The following EFCAB13 variants were observed in gnomAD, a reference collection of about 807,000 sequenced individuals.
The protein encoded by EFCAB13 is EF-hand calcium binding domain 13, also known as EF-hand calcium-binding domain-containing protein 13.
In EFCAB13, 91 loss-of-function variants were observed where a neutral mutation model predicts 110.2. The observed-to-expected ratio is 0.83, with a 90% CI of 0.70 to 0.98. EFCAB13 has a LOEUF of 0.98. EFCAB13 is among the 50% of genes least tolerant of loss of function. The pLI is 0.00. For synonymous variants in EFCAB13, 323 were observed against 369.9 expected (o/e 0.87, Z 1.45); for missense variants, 968 against 1,119.4 (o/e 0.86, Z 1.93).
intron 24 of EFCAB13, among the ~76,000 whole-genome samples, chr17:47,438,347 A>G (rs1412166712): frequency 1.3e-5 from 2 of 152,178 alleles, no homozygotes; most frequent in African/African-American, 2.4e-5. Flanking sequence ...CTTGGATATC[A>G]AGGCCAGGGA....
In EFCAB13 at chr17:47,357,989, G is replaced by A. The variant is rs147641456; in HGVS notation, c.662-3389G>A. Among the ~76,000 whole-genome samples, 517 of 152,182 alleles carry A rather than the reference G, an allele frequency of 3.4e-3. 1 individual carries two copies. The highest frequency in any genetic ancestry group is 6.4e-3 in the Admixed American group (98 of 15,288). On this transcript the variant is annotated intron_variant, in intron 9 of 24. Transcript: ENST00000331493. ...CCTATTTTGACCTTATTTTCTGTTTGTGGACAGTGTTCTGAGACTAATCAA... is the reference window on the plus strand; with the variant it reads ...CCTATTTTGACCTTATTTTCTGTTTATGGACAGTGTTCTGAGACTAATCAA...
At chr17:47,421,891 G>A (rs1010016494) in intron 23 of EFCAB13, among the ~76,000 whole-genome samples, 1 of 152,140 alleles carries the variant, frequency 6.6e-6, no homozygotes, top group Non-Finnish European at 1.5e-5. Flanking sequence ...ATTTAAGAAG[G>A]ATATAGTATC....
chr17:47,427,118 G>A (rs1276751496), intron 23 of EFCAB13, among the ~76,000 whole-genome samples: 1 of 152,072 alleles, frequency 6.6e-6, no homozygotes, highest in Non-Finnish European at 1.5e-5. Context: ...AGTAGCTACT[G>A]ATTAAAAAGT....
In EFCAB13 at chr17:47,399,922, C is replaced by CA. The variant is rs550411040; in HGVS notation, c.1946-2205dup. 6.3e-4 allele frequency among the ~76,000 whole-genome samples: 96 copies of CA among 152,112 alleles called. 1 individual carries two copies. The East Asian group carries it at 0.015, about 24-fold the overall frequency. ...CTGAGTGAAGAAAGTTGGTGTTGAG[C>CA]AAAAATGTGTAAGAGGGTATGGAAA... On this transcript the variant is annotated intron_variant, in intron 17 of 24. Coordinates refer to ENST00000331493, the MANE Select transcript of EFCAB13 (RefSeq NM_152347.5).
At chr17:47,434,073 A>G (rs996144830) in intron 24 of EFCAB13, among the ~76,000 whole-genome samples, 1 of 152,112 alleles carries the variant, frequency 6.6e-6, no homozygotes, top group African/African-American at 2.4e-5. Context: ...CAGACAAGAG[A>G]AAAAAATAAA....
Position 47,344,198 on chromosome 17 carries a change from G to T in EFCAB13, c.340G>T (p.Val114Leu), listed in dbSNP as rs748861760. 5.0e-6 allele frequency: 8 copies of T among 1,613,132 alleles called. No homozygotes were observed. The highest frequency in any genetic ancestry group is 1.1e-5 in the South Asian group (1 of 91,020). Residue 114 changes from valine to leucine, a missense_variant, in exon 7 of 25, where the codon GTG (valine) becomes TTG (leucine). Transcript: ENST00000331493. ...PPFLKLSKEK[V>L]TRKENSLCKL... Reference sequence around the variant, plus strand: ...TTTTCTGAAGCTGTCAAAGGAGAAGGTGACAAGGAAAGAAAACTCTTTATG... The same window carrying T: ...TTTTCTGAAGCTGTCAAAGGAGAAGTTGACAAGGAAAGAAAACTCTTTATG...
In EFCAB13 at chr17:47,347,854, G is replaced by C. The variant is rs1343367252; in HGVS notation, c.564G>C (p.Lys188Asn). ...CKIFSKIRSG[K>N]IYVNDLPVIL... ...TTTTTAGTAAAATTCGAAGTGGTAA[G>C]ATTTATGTGAATGATCTTCCAGTGA... The change falls in exon 9 of 25, where the codon AAG becomes AAC. Residue 188 changes from lysine to asparagine, a missense_variant. Lys to Asn is a moderately conservative substitution (Grantham distance 94, BLOSUM62 0). Coordinates refer to ENST00000331493, the MANE Select transcript of EFCAB13 (RefSeq NM_152347.5). 3.2e-6 allele frequency: 5 copies of C among 1,546,936 alleles called. No individual in the cohort carries two copies. The African/African-American group carries it at 5.4e-5, about 17-fold the overall frequency.
intron 23 of EFCAB13, among the ~76,000 whole-genome samples, chr17:47,420,904 G>T (rs1162010528): frequency 6.9e-6 from 1 of 144,672 alleles, no homozygotes; most frequent in Admixed American, 6.7e-5. Context: ...CCGTCTGGGA[G>T]GTGAGGGGCG....
chr17:47,327,171 CTTTTG>C (rs986713141), intron 3 of EFCAB13, among the ~76,000 whole-genome samples: 32 of 140,206 alleles, frequency 2.3e-4, no homozygotes, highest in Middle Eastern at 3.7e-3. Flanking sequence ...GTTTTGTTTT[CTTTTG>C]TTTTGTTTTT....
rs150041083 is a variant in EFCAB13, at chr17:47,390,914, G to GTCTTATCTATCTGTCTATCTA, written c.1583-520_1583-519insTATCTATCTGTCTATCTATCT. Among the ~76,000 whole-genome samples, 352 of 150,256 alleles carry GTCTTATCTATCTGTCTATCTA rather than the reference G, an allele frequency of 2.3e-3. 8 individuals carry two copies. The East Asian group carries it at 0.027, about 12-fold the overall frequency. ...TATATATGTGTATGTGTGTCTGTCT[G>GTCTTATCTATCTGTCTATCTA]TCTATCTATCTATCTGTCTATCTAT... is the stretch of plus-strand genomic sequence containing the variant. On this transcript the variant is annotated intron_variant, in intron 14 of 24. Transcript: ENST00000331493.
chr17:47,385,558 G>C (rs1228449333), intron 14 of EFCAB13, among the ~76,000 whole-genome samples: 1 of 151,870 alleles, frequency 6.6e-6, no homozygotes, highest in Non-Finnish European at 1.5e-5. Context: ...CTTTTGTCAG[G>C]GTTCTTAGCT....
chr17:47,414,877 T>C lies in EFCAB13; in HGVS notation c.2452T>C (p.Leu818=), dbSNP rs1171805162. 3.7e-6 allele frequency: 6 copies of C among 1,608,008 alleles called. No individual in the cohort carries two copies. Among genetic ancestry groups the C allele is most frequent in the Admixed American group, 1.7e-5 (1 of 59,686 alleles). Residue 818 remains leucine (L), a synonymous_variant, in exon 23 of 25, where the codon TTA becomes CTA. Transcript: ENST00000331493. ...DNMEVDLKDF[L]MKMKESPHFQ... is the part of the protein sequence containing the mutation. ...TATGGAGGTGGATTTAAAAGATTTC[T>C]TAATGAAAATGAAAGAAAGTCCACA...
rs531077965 is a variant in EFCAB13 at position 47,348,097 on chromosome 17, T to C, written c.661+146T>C. On this transcript the variant is annotated intron_variant, in intron 9 of 24. Coordinates refer to ENST00000331493, the MANE Select transcript of EFCAB13 (RefSeq NM_152347.5). Reference sequence around the variant, plus strand: ...TCATATTGTATGTTACAAAACATTTTTACATGTTACAAGAACATTACTTAC... The same window carrying C: ...TCATATTGTATGTTACAAAACATTTCTACATGTTACAAGAACATTACTTAC... 3 of 615,320 alleles carry C rather than the reference T, an allele frequency of 4.9e-6. No individual in the cohort carries two copies. The East Asian group carries it at 1.0e-4, about 21-fold the overall frequency. 38.1% of individuals were successfully genotyped at this position (615,320 alleles called of 1,614,324 possible).
At chr17:47,409,730 TAAG>T (rs2065824112) in intron 21 of EFCAB13, 39 bp downstream of exon 21, 1 of 1,463,028 alleles carries the variant, frequency 6.8e-7, no homozygotes, top group Non-Finnish European at 9.6e-7. Flanking sequence ...TTTTCAATAA[TAAG>T]AGATATTTTT....
At chr17:47,364,478 A>C (rs538092692) in intron 10 of EFCAB13, among the ~76,000 whole-genome samples, 142 of 152,072 alleles carry the variant, frequency 9.3e-4, no homozygotes, top group Admixed American at 9.0e-3. Context: ...AAGCCCAGCT[A>C]ATTTTTGTAT....
At chr17:47,368,522 C>T (rs1221838783) in intron 10 of EFCAB13, among the ~76,000 whole-genome samples, 3 of 152,170 alleles carry the variant, frequency 2.0e-5, no homozygotes, top group East Asian at 3.8e-4. Flanking sequence ...CTGGCAACAG[C>T]TCAGAAATGA....
At chr17:47,383,214 T>G (rs1429913872) in intron 14 of EFCAB13, among the ~76,000 whole-genome samples, 3 of 152,174 alleles carry the variant, frequency 2.0e-5, no homozygotes, top group African/African-American at 4.8e-5. Context: ...ATTTTGTTAA[T>G]CATTTCAAAA....
intron 20 of EFCAB13, among the ~76,000 whole-genome samples, chr17:47,408,889 G>A (rs116393444): frequency 6.6e-6 from 1 of 152,008 alleles, no homozygotes; most frequent in African/African-American, 2.4e-5. Flanking sequence ...ATAGTGCCTA[G>A]GTTCAGCAAT....
intron 16 of EFCAB13, among the ~76,000 whole-genome samples, 180 bp from the exon 17 acceptor site, chr17:47,395,654 A>T (rs1402244062): frequency 6.6e-6 from 1 of 152,168 alleles, no homozygotes; most frequent in Non-Finnish European, 1.5e-5. Context: ...AAAATACATT[A>T]TATTTTAGGC....
Sources: allele counts gnomAD v4.1 joint callset (sites outside exome capture counted in the v4.1 genomes callset), GRCh38; gene constraint gnomAD v4.1.1; transcripts MANE v1.5; gene names NCBI Gene and HGNC (gene_info 2026-07-23, HGNC 2026-07-21).